Variants in ESRRG observed in about 807,000 individuals in gnomAD.
ESRRG encodes the protein estrogen related receptor gamma, also known as estrogen-related receptor gamma.
A neutral mutation model predicts 44.0 loss-of-function variants in ESRRG; 13 were observed. The ratio of observed to expected loss-of-function variants is 0.30; its 90% confidence interval spans 0.19 to 0.47. The LOEUF (loss-of-function observed/expected upper bound fraction) is 0.47, where lower values mean the gene tolerates loss of function less well. ESRRG is among the 20% of genes least tolerant of loss of function. The pLI is 1.00. For synonymous variants in ESRRG, 215 were observed against 214.6 expected (o/e 1.00, Z -0.02); for missense variants, 395 against 580.6 (o/e 0.68, Z 3.29).
intron 6 of ESRRG, among the ~76,000 whole-genome samples, chr1:216,515,587 C>G (rs545626173): frequency 6.6e-6 from 1 of 152,196 alleles, no homozygotes; most frequent in Non-Finnish European, 1.5e-5. Flanking sequence ...AATTGATAAC[C>G]AAATTGTTAT....
chr1:216,882,252 T>C (rs1478485227), intron 2 of ESRRG, among the ~76,000 whole-genome samples: 1 of 152,162 alleles, frequency 6.6e-6, no homozygotes, highest in Non-Finnish European at 1.5e-5. Flanking sequence ...CTTCCTTAGA[T>C]GGTCCATCAG....
intron 2 of ESRRG, among the ~76,000 whole-genome samples, chr1:216,868,002 T>C (rs539256349): frequency 6.6e-6 from 1 of 151,690 alleles, no homozygotes; most frequent in East Asian, 1.9e-4. Flanking sequence ...TAAAATGGGA[T>C]ACTACAGTAT....
chr1:216,808,270 T>C (rs561871965), intron 2 of ESRRG, among the ~76,000 whole-genome samples: 23 of 152,220 alleles, frequency 1.5e-4, no homozygotes, highest in African/African-American at 5.1e-4. Flanking sequence ...GCAGAGCTCA[T>C]AGATAACATG....
intron 5 of ESRRG, among the ~76,000 whole-genome samples, chr1:216,520,266 G>A (rs2148930925): frequency 6.6e-6 from 1 of 152,138 alleles, no homozygotes; most frequent in African/African-American, 2.4e-5. Flanking sequence ...TTTCGTATTT[G>A]GGAAATATAA....
chr1:217,026,912 C>CACACACACACAGAGAGAGAG (rs1255637839), intron 1 of ESRRG, among the ~76,000 whole-genome samples: 1,130 of 93,200 alleles, frequency 0.012, 18 homozygotes, highest in Non-Finnish European at 0.017. Context: ...CACACACACA[C>CACACACACACAGAGAGAGAG]AGAGAGAGAG....
Position 216,503,665 on chromosome 1 carries a change from A to T in ESRRG, c.*3274T>A, listed in dbSNP as rs1026140176. 1 of 152,542 alleles carries T rather than the reference A, an allele frequency of 6.6e-6. No individual in the cohort carries two copies. Among genetic ancestry groups the T allele is most frequent in the Non-Finnish European group, 1.5e-5 (1 of 67,990 alleles). The allele number at this position is 152,542 out of a possible 1,614,324, so 9.4% of individuals were successfully genotyped here. ...ACGCTTAAATAATTAAAATACAATC[A>T]CCAACACCCATTTTCTCTTCTATAA... On this transcript the variant is annotated 3_prime_UTR_variant, in exon 7 of 7. Coordinates refer to ENST00000408911, the MANE Select transcript of ESRRG (RefSeq NM_001438.4).
chr1:216,654,186 A>G (rs929083206), intron 2 of ESRRG, among the ~76,000 whole-genome samples: 4 of 152,046 alleles, frequency 2.6e-5, no homozygotes, highest in African/African-American at 4.8e-5. Context: ...TACTTATAAT[A>G]ACTTAGAATT....
chr1:216,939,365 A>AAAAAAC (rs1560189130), intron 2 of ESRRG, among the ~76,000 whole-genome samples: 37 of 139,758 alleles, frequency 2.6e-4, no homozygotes, highest in African/African-American at 1.0e-3. Flanking sequence ...AAAAAAAAAA[A>AAAAAAC]AAAAACACTT....
chr1:217,105,654 G>GT (rs1431114951), intron 1 of ESRRG, among the ~76,000 whole-genome samples: 6 of 152,136 alleles, frequency 3.9e-5, no homozygotes, highest in Admixed American at 3.9e-4. Flanking sequence ...GCTGACTCCT[G>GT]TAGGAGCGCC....
chr1:217,044,412 G>A (rs1337306587), intron 1 of ESRRG, among the ~76,000 whole-genome samples: 1 of 152,130 alleles, frequency 6.6e-6, no homozygotes, highest in Non-Finnish European at 1.5e-5. Flanking sequence ...AATGACAATT[G>A]TATCCCATTG....
chr1:216,519,705 T>A (rs2045481392), intron 5 of ESRRG, among the ~76,000 whole-genome samples: 1 of 151,778 alleles, frequency 6.6e-6, no homozygotes, highest in Admixed American at 6.6e-5. Context: ...TACCATGTAA[T>A]CTTTAAATAT....
chr1:216,716,181 T>C (rs1240523320), intron 1 of ESRRG, among the ~76,000 whole-genome samples: 1 of 152,054 alleles, frequency 6.6e-6, no homozygotes, highest in Admixed American at 6.6e-5. Flanking sequence ...GCCACTGAGG[T>C]TCACCACTTC....
chr1:216,911,914 A>G (rs2060351046), intron 2 of ESRRG, among the ~76,000 whole-genome samples: 1 of 151,708 alleles, frequency 6.6e-6, no homozygotes, highest in African/African-American at 2.4e-5. Context: ...TATTAAAAAC[A>G]CACAGAAAAA....
chr1:216,888,507 T>C (rs1468579487), intron 2 of ESRRG, among the ~76,000 whole-genome samples: 1 of 152,222 alleles, frequency 6.6e-6, no homozygotes, highest in Non-Finnish European at 1.5e-5. Flanking sequence ...TAAAATCTTT[T>C]TTTTTAAGTG....
intron 3 of ESRRG, among the ~76,000 whole-genome samples, chr1:216,585,001 A>G (rs2063497782): frequency 6.6e-6 from 1 of 152,234 alleles, no homozygotes; most frequent in Non-Finnish European, 1.5e-5. Context: ...TGAAATAAAA[A>G]TAGCTGGAAT....
At position 216,917,915 on chromosome 1, in the gene ESRRG, C is replaced by T. The variant is rs372124325; in HGVS notation, c.-14+21667G>A. Reference sequence around the variant, plus strand: ...TAAATATAGTATATGTAGCAAATTCCCCAAAAATATTTTGCCAGATTTCCA... The same window carrying T: ...TAAATATAGTATATGTAGCAAATTCTCCAAAAATATTTTGCCAGATTTCCA... On this transcript the variant is annotated intron_variant, in intron 2 of 7. Transcript: ENST00000359162. Among the ~76,000 whole-genome samples the T allele has an allele frequency of 3.3e-3, 495 of 152,220 alleles. 1 individual carries two copies. Among genetic ancestry groups the T allele is most frequent in the Non-Finnish European group, 5.2e-3 (357 of 68,022 alleles).
chr1:216,580,931 A>G (rs1312429734), intron 3 of ESRRG, among the ~76,000 whole-genome samples: 1 of 152,210 alleles, frequency 6.6e-6, no homozygotes, highest in African/African-American at 2.4e-5. Flanking sequence ...TCTTGATGAT[A>G]ATAAAGCAAA....
rs370888225 is a variant in ESRRG, at chr1:216,871,116, A to G, written c.-14+68466T>C. Among the ~76,000 whole-genome samples, 31 of 152,128 alleles carry G rather than the reference A, an allele frequency of 2.0e-4. No individual in the cohort carries two copies. The South Asian group carries it at 6.4e-3, about 32-fold the overall frequency. On this transcript the variant is annotated intron_variant, in intron 2 of 7. Coordinates refer to the ESRRG transcript ENST00000359162. ...AAGATCTTTCTTATTTTCTAATAGC[A>G]TATAATGCTATAAGCTTTCCCTGTA...
intron 4 of ESRRG, among the ~76,000 whole-genome samples, chr1:216,566,078 A>G (rs2149571090): frequency 6.6e-6 from 1 of 152,232 alleles, no homozygotes; most frequent in African/African-American, 2.4e-5. Context: ...GAAGCTTAGA[A>G]ATTCCCATCA....
Sources: allele counts gnomAD v4.1 joint callset (sites outside exome capture counted in the v4.1 genomes callset), GRCh38; gene constraint gnomAD v4.1.1; transcripts MANE v1.5; gene names NCBI Gene and HGNC (gene_info 2026-07-23, HGNC 2026-07-21).